Variants in CDH8 observed in about 807,000 individuals in gnomAD.
The protein encoded by CDH8 is cadherin 8, also known as cadherin-8.
In CDH8, 17 loss-of-function variants were observed where a neutral mutation model predicts 68.1. That is an observed-to-expected ratio of 0.25 (90% CI 0.17 to 0.37). The LOEUF (loss-of-function observed/expected upper bound fraction) is 0.37. CDH8 is among the 10% of genes least tolerant of loss of function. The pLI, the probability that CDH8 is intolerant of heterozygous loss-of-function variation, is 1.00. For synonymous variants in CDH8, 372 were observed against 365.1 expected (o/e 1.02, Z -0.21); for missense variants, 763 against 999.3 (o/e 0.76, Z 3.19).
At chr16:61,681,555 G>T (rs923115087) in intron 10 of CDH8, among the ~76,000 whole-genome samples, 2 of 145,592 alleles carry the variant, frequency 1.4e-5, no homozygotes, top group African/African-American at 5.0e-5. Flanking sequence ...GAGCAAGAAG[G>T]TTTTTTTTTT....
At chr16:61,899,025 A>T (rs1963919404) in intron 3 of CDH8, among the ~76,000 whole-genome samples, 1 of 152,166 alleles carries the variant, frequency 6.6e-6, no homozygotes, top group African/African-American at 2.4e-5. Context: ...CATGTGCAGA[A>T]TGTGCAGGTT....
chr16:61,782,096 C>G (rs189869034), intron 8 of CDH8, among the ~76,000 whole-genome samples: 1 of 152,150 alleles, frequency 6.6e-6, no homozygotes, highest in Non-Finnish European at 1.5e-5. Flanking sequence ...CCAAGATGGC[C>G]GAATAGGAAC....
intron 4 of CDH8, among the ~76,000 whole-genome samples, chr16:61,846,701 C>T (rs564344598): frequency 6.6e-6 from 1 of 152,038 alleles, no homozygotes; most frequent in South Asian, 2.1e-4. Flanking sequence ...ACCATAATAC[C>T]CACTTCACAT....
intron 10 of CDH8, among the ~76,000 whole-genome samples, chr16:61,657,943 C>T (rs750149349): frequency 1.5e-4 from 23 of 152,004 alleles, no homozygotes; most frequent in Non-Finnish European, 2.9e-4. Flanking sequence ...TTTTACTAAT[C>T]CTGGAATTTG....
chr16:61,975,694 G>T (rs542929275), intron 2 of CDH8, among the ~76,000 whole-genome samples: 2 of 152,074 alleles, frequency 1.3e-5, no homozygotes. Flanking sequence ...ATTGTTTATT[G>T]GTTCAGTGTT....
intron 8 of CDH8, among the ~76,000 whole-genome samples, chr16:61,778,091 C>G (rs1032421820): frequency 7.2e-5 from 11 of 152,108 alleles, no homozygotes; most frequent in African/African-American, 2.6e-4. Flanking sequence ...TTTTGGGGAG[C>G]CTCTTAACCA....
chr16:61,709,895 A>C (rs1482491587), intron 10 of CDH8, among the ~76,000 whole-genome samples: 1 of 152,134 alleles, frequency 6.6e-6, no homozygotes, highest in Non-Finnish European at 1.5e-5. Context: ...GTTACTGTAT[A>C]AGCAGATGTT....
At chr16:61,938,306 A>G (rs767617242) in intron 2 of CDH8, among the ~76,000 whole-genome samples, 17 of 152,138 alleles carry the variant, frequency 1.1e-4, no homozygotes, top group Non-Finnish European at 2.1e-4. Flanking sequence ...TCTTACTCTC[A>G]TTTCAGAACT....
intron 4 of CDH8, among the ~76,000 whole-genome samples, chr16:61,841,252 G>C (rs1447140708): frequency 6.6e-6 from 1 of 152,128 alleles, no homozygotes; most frequent in Non-Finnish European, 1.5e-5. Flanking sequence ...TCAGATGGTA[G>C]CTCAATTTTT....
intron 8 of CDH8, among the ~76,000 whole-genome samples, chr16:61,746,076 T>G (rs1960013781): frequency 6.6e-6 from 1 of 152,152 alleles, no homozygotes; most frequent in South Asian, 2.1e-4. Context: ...TCTTTTACAC[T>G]GCTAAAATAT....
chr16:61,957,621 C>T (rs1367216752), intron 2 of CDH8, among the ~76,000 whole-genome samples: 2 of 152,176 alleles, frequency 1.3e-5, no homozygotes, highest in South Asian at 2.1e-4. Flanking sequence ...TACATATGCT[C>T]ACACATGCAC....
chr16:61,889,185 G>A (rs574804670), intron 3 of CDH8, among the ~76,000 whole-genome samples: 1 of 152,188 alleles, frequency 6.6e-6, no homozygotes, highest in Admixed American at 6.5e-5. Context: ...CTTTTGTCAT[G>A]AGGTCTAATA....
chr16:61,923,738 T>C lies in CDH8; in HGVS notation c.253-22265A>G, dbSNP rs568684380. 1.1e-3 allele frequency among the ~76,000 whole-genome samples: 163 copies of C among 148,000 alleles called. 2 individuals are homozygous for C. In the South Asian group the frequency reaches 0.019, roughly 17 times the overall value. On this transcript the variant is annotated intron_variant, in intron 2 of 11. Transcript: ENST00000577390. ...GATGGCTAGAGGATATATATATATATACATCACATGTATATATATTTAAAT... is the reference window on the plus strand; with the variant it reads ...GATGGCTAGAGGATATATATATATACACATCACATGTATATATATTTAAAT...
Position 62,008,031 on chromosome 16 carries a change from C to A in CDH8, c.252+13121G>T, listed in dbSNP as rs184905361. Among the ~76,000 whole-genome samples, 156 of 152,218 alleles carry A rather than the reference C, an allele frequency of 1.0e-3. 1 individual carries two copies. Among genetic ancestry groups the A allele is most frequent in the Admixed American group, 1.8e-3 (28 of 15,302 alleles). ...GCAGTGCTGCCAACACAGCTCATTG[C>A]AGCCTTGATTCTCCTGCCTCAGCCT... On this transcript the variant is annotated intron_variant, in intron 2 of 11. Transcript: ENST00000577390.
intron 2 of CDH8, among the ~76,000 whole-genome samples, chr16:61,988,027 T>C (rs1965656760): frequency 6.6e-6 from 1 of 152,164 alleles, no homozygotes; most frequent in African/African-American, 2.4e-5. Context: ...GTGACCAATT[T>C]ATATTTACTC....
intron 8 of CDH8, among the ~76,000 whole-genome samples, chr16:61,757,928 G>A (rs1249809162): frequency 6.6e-6 from 1 of 152,098 alleles, no homozygotes; most frequent in Non-Finnish European, 1.5e-5. Flanking sequence ...TTGTTATGCC[G>A]CAGTAGATAA....
chr16:61,841,036 G>A (rs903082266), intron 4 of CDH8, among the ~76,000 whole-genome samples: 1 of 151,904 alleles, frequency 6.6e-6, no homozygotes, highest in African/African-American at 2.4e-5. Context: ...TCAGTTACAG[G>A]GGAAAAAACT....
chr16:61,720,389 G>T (rs1294913934), intron 9 of CDH8, among the ~76,000 whole-genome samples: 2 of 150,848 alleles, frequency 1.3e-5, no homozygotes, highest in African/African-American at 4.9e-5. Flanking sequence ...TTCCTACCTG[G>T]CTCCCATCCT....
chr16:61,801,634 C>A (rs536038125), intron 7 of CDH8, among the ~76,000 whole-genome samples: 1 of 152,168 alleles, frequency 6.6e-6, no homozygotes, highest in African/African-American at 2.4e-5. Flanking sequence ...CAAAGCAGGG[C>A]GAGGCATTGC....
Sources: allele counts gnomAD v4.1 joint callset (sites outside exome capture counted in the v4.1 genomes callset), GRCh38; gene constraint gnomAD v4.1.1; transcripts MANE v1.5; gene names NCBI Gene and HGNC (gene_info 2026-07-23, HGNC 2026-07-21).